Variants in KDM4C observed in about 807,000 individuals in gnomAD.
The protein encoded by KDM4C is lysine demethylase 4C, also known as lysine-specific demethylase 4C.
KDM4C carries 81 observed loss-of-function variants against 129.3 expected under a neutral mutation model. The ratio of observed to expected loss-of-function variants is 0.63; its 90% CI spans 0.52 to 0.75. KDM4C has a LOEUF of 0.75. Among genes scored for constraint, KDM4C ranks in the 30% least tolerant of loss-of-function variants. KDM4C has a pLI of 0.00. For synonymous variants in KDM4C, 573 were observed against 456.1 expected (o/e 1.26, Z -3.26); for missense variants, 1,457 against 1,304.0 (o/e 1.12, Z -1.81).
intron 19 of KDM4C, among the ~76,000 whole-genome samples, chr9:7,143,424 T>C (rs1841945554): frequency 6.6e-6 from 1 of 152,224 alleles, no homozygotes; most frequent in Non-Finnish European, 1.5e-5. Context: ...GAAAAGCTCT[T>C]ACTTCAGAGG....
intron 8 of KDM4C, among the ~76,000 whole-genome samples, chr9:6,937,041 A>G (rs1023352597): frequency 6.6e-6 from 1 of 152,126 alleles, no homozygotes; most frequent in Non-Finnish European, 1.5e-5. Context: ...TTTTATGTAC[A>G]TTCTTGCCAC....
At chr9:6,876,091 T>A (rs954870879) in intron 5 of KDM4C, among the ~76,000 whole-genome samples, 1 of 152,188 alleles carries the variant, frequency 6.6e-6, no homozygotes. Flanking sequence ...TTTCCTGGGT[T>A]CTTTCAAATT....
chr9:6,848,417 A>T (rs955075425), intron 4 of KDM4C, among the ~76,000 whole-genome samples: 6 of 152,134 alleles, frequency 3.9e-5, no homozygotes, highest in Non-Finnish European at 8.8e-5. Flanking sequence ...TTGTAATCTC[A>T]GCACTTTGGG....
chr9:7,118,647 T>A (rs1049860171), intron 18 of KDM4C, among the ~76,000 whole-genome samples: 15 of 152,218 alleles, frequency 9.9e-5, no homozygotes, highest in Admixed American at 5.9e-4. Flanking sequence ...GAAAGGGTCA[T>A]TGCGTACAAA....
chr9:7,174,824 T>A lies in KDM4C; in HGVS notation c.*95T>A. The A allele has an allele frequency of 9.2e-7, 1 of 1,086,348 alleles. No homozygotes were observed. The highest frequency in any genetic ancestry group is 1.4e-6 in the Non-Finnish European group (1 of 734,820). 67.3% of individuals were successfully genotyped at this position (1,086,348 alleles called of 1,614,324 possible). ...GGCTGTGCCGTGAGTTTTGCTGGCA[T>A]AGGTGACAGGGTGTGTCTCTGACAG... On this transcript the variant is annotated 3_prime_UTR_variant, in exon 22 of 22. Transcript: ENST00000381309.
chr9:7,021,586 C>T (rs142254649), intron 15 of KDM4C, among the ~76,000 whole-genome samples: 240 of 152,266 alleles, frequency 1.6e-3, no homozygotes, highest in African/African-American at 5.6e-3. Flanking sequence ...GGGTAGTTTG[C>T]AAATGTTTTC....
chr9:7,046,764 A>G (rs1352789993), intron 15 of KDM4C, 98 bp from the exon 16 acceptor site: 4 of 877,538 alleles, frequency 4.6e-6, no homozygotes, highest in Admixed American at 1.9e-5. Context: ...TTTTAATTTT[A>G]GAATGAAAAA....
intron 8 of KDM4C, among the ~76,000 whole-genome samples, chr9:6,964,059 G>A (rs1294723878): frequency 1.3e-5 from 2 of 152,020 alleles, no homozygotes; most frequent in African/African-American, 4.8e-5. Context: ...TTATTTTTCT[G>A]TAATCTTTGC....
chr9:6,858,955 C>T (rs1251279130), intron 5 of KDM4C, among the ~76,000 whole-genome samples: 2 of 151,672 alleles, frequency 1.3e-5, no homozygotes, highest in East Asian at 3.9e-4. Context: ...GTTATTTGCC[C>T]ATAGTATATA....
intron 1 of KDM4C, among the ~76,000 whole-genome samples, chr9:6,790,654 C>CAAAAAAA (rs1186296239): frequency 1.5e-5 from 1 of 65,216 alleles, no homozygotes; most frequent in Non-Finnish European, 2.6e-5. Context: ...TTAAATTCAG[C>CAAAAAAA]AAAAAAAAAA....
At chr9:6,761,887 C>T (rs947179992) in intron 1 of KDM4C, among the ~76,000 whole-genome samples, 27 of 152,138 alleles carry the variant, frequency 1.8e-4, no homozygotes, top group African/African-American at 6.3e-4. Context: ...TCTCGGCTCA[C>T]TGCAACCTCC....
At chr9:6,947,904 A>G (rs778582639) in intron 8 of KDM4C, 7 of 151,844 alleles carry the variant, frequency 4.6e-5, no homozygotes, top group Non-Finnish European at 7.4e-5. Context: ...TTTTATAACC[A>G]TTTGCATTTT....
intron 2 of KDM4C, among the ~76,000 whole-genome samples, chr9:6,795,969 G>A (rs959699899): frequency 4.6e-5 from 7 of 152,098 alleles, no homozygotes; most frequent in African/African-American, 1.7e-4. Context: ...ACTGCCCCTG[G>A]CCCCTTCCTA....
intron 6 of KDM4C, among the ~76,000 whole-genome samples, chr9:6,880,592 C>A (rs1844288860): frequency 6.6e-6 from 1 of 152,090 alleles, no homozygotes; most frequent in African/African-American, 2.4e-5. Flanking sequence ...CTCTGAGTAA[C>A]AATACACATG....
At chr9:6,754,468 C>T (rs1818179721), upstream of KDM4C, among the ~76,000 whole-genome samples, 1 of 152,168 alleles carries the variant, frequency 6.6e-6, no homozygotes, top group Non-Finnish European at 1.5e-5. Context: ...CCGCCTTGGC[C>T]TCCCAATGTG....
intron 8 of KDM4C, among the ~76,000 whole-genome samples, chr9:6,910,766 A>C (rs542241928): frequency 1.3e-3 from 198 of 152,362 alleles, no homozygotes; most frequent in African/African-American, 4.7e-3. Flanking sequence ...TTATTTGGAT[A>C]GTCTTCACAG....
At chr9:6,828,012 C>T (rs1451692466) in intron 4 of KDM4C, among the ~76,000 whole-genome samples, 1 of 152,152 alleles carries the variant, frequency 6.6e-6, no homozygotes, top group African/African-American at 2.4e-5. Context: ...GGGGTGTTGC[C>T]AGAGCAGCAC....
intron 3 of KDM4C, among the ~76,000 whole-genome samples, chr9:6,811,421 G>A (rs1047484856): frequency 3.3e-5 from 5 of 152,180 alleles, no homozygotes; most frequent in Admixed American, 2.6e-4. Context: ...CAAAGTGCTG[G>A]GATCTTTCCA....
intron 15 of KDM4C, among the ~76,000 whole-genome samples, chr9:7,022,100 TTTGTTCTTTTTGCTTAGGATAGTTTTGGC>T (rs1824970684): frequency 6.6e-6 from 1 of 152,204 alleles, no homozygotes; most frequent in Non-Finnish European, 1.5e-5. Context: ...ATTCTTCCAT[TTTGTTCTTTTTGCTTAGGATAGTTTTGGC>T]TGTTCTGGGT....
Sources: allele counts gnomAD v4.1 joint callset (sites outside exome capture counted in the v4.1 genomes callset), GRCh38; gene constraint gnomAD v4.1.1; transcripts MANE v1.5; gene names NCBI Gene and HGNC (gene_info 2026-07-23, HGNC 2026-07-21).